SIPA1L3: variants seen among roughly 807,000 people sequenced by gnomAD.
SIPA1L3 encodes the protein signal induced proliferation associated 1 like 3, also known as signal-induced proliferation-associated 1-like protein 3.
SIPA1L3 carries 59 observed loss-of-function variants against 150.1 expected under a neutral mutation model. The ratio of observed to expected loss-of-function variants is 0.39; its 90% CI spans 0.32 to 0.49. The LOEUF is 0.49. Among genes scored for constraint, SIPA1L3 ranks in the 20% least tolerant of loss-of-function variants. The probability of loss-of-function intolerance (pLI) is 0.86; values close to 1 mark genes in which losing one functional copy is unlikely to be tolerated. For synonymous variants in SIPA1L3, 1,070 were observed against 1,077.6 expected (o/e 0.99, Z 0.14); for missense variants, 2,211 against 2,489.5 (o/e 0.89, Z 2.38).
At chr19:38,138,910 A>AAAAAAAAAAAAAAAAC (rs1343348254) in intron 10 of SIPA1L3, among the ~76,000 whole-genome samples, 1 of 112,786 alleles carries the variant, frequency 8.9e-6, no homozygotes, top group African/African-American at 3.8e-5. Flanking sequence ...AAAAAAAAAA[A>AAAAAAAAAAAAAAAAC]AAAAACTGAG....
chr19:38,151,608 T>A (rs1971823842), intron 12 of SIPA1L3, among the ~76,000 whole-genome samples: 1 of 152,112 alleles, frequency 6.6e-6, no homozygotes, highest in Non-Finnish European at 1.5e-5. Context: ...CACAACCGGC[T>A]GTGATCCAAG....
In SIPA1L3 at chr19:38,082,208, G is replaced by C; in HGVS notation, c.643G>C (p.Glu215Gln). ...TSSIDVQGMP[E>Q]QSFFDILNEF... The stretch of plus-strand genomic sequence containing the variant: ...GTCCATCGACGTGCAGGGCATGCCC[G>C]AGCAGAGCTTCTTCGACATCCTGAA... Residue 215 changes from glutamate (E) to glutamine (Q), a missense_variant, in exon 3 of 22, where the codon GAG becomes CAG. This residue lies in a region of SIPA1L3 where 587 missense variants were observed against 534.5 expected (regional missense o/e 1.10). Coordinates refer to ENST00000222345, the MANE Select transcript of SIPA1L3 (RefSeq NM_015073.3). 1 of 1,602,964 alleles carries C rather than the reference G, an allele frequency of 6.2e-7. No individual in the cohort carries two copies. The highest frequency in any genetic ancestry group is 1.1e-5 in the South Asian group (1 of 91,078).
chr19:37,914,374 A>ATT (rs3049664), intron 1 of SIPA1L3, among the ~76,000 whole-genome samples: 6,034 of 144,546 alleles, frequency 0.042, 453 homozygotes, highest in African/African-American at 0.14. Context: ...TACTACTTTA[A>ATT]TTTTTTTTTT....
intron 1 of SIPA1L3, among the ~76,000 whole-genome samples, chr19:37,941,087 T>TACACACACACACACACACACACACACAC (rs59368800): frequency 1.6e-5 from 2 of 128,568 alleles, no homozygotes; most frequent in African/African-American, 6.9e-5. Flanking sequence ...CACACACACA[T>TACACACACACACACACACACACACACAC]ACACACACAC....
At chr19:38,174,936 G>A (rs888357324) in intron 15 of SIPA1L3, among the ~76,000 whole-genome samples, 2 of 152,206 alleles carry the variant, frequency 1.3e-5, no homozygotes, top group Admixed American at 6.5e-5. Context: ...GGGCTCAAGT[G>A]TATCAGCTGC....
intron 15 of SIPA1L3, among the ~76,000 whole-genome samples, chr19:38,178,055 TAC>T (rs1972474736): frequency 6.6e-6 from 1 of 150,482 alleles, no homozygotes; most frequent in African/African-American, 2.4e-5. Context: ...ACCGTCCTCA[TAC>T]CTGCCTGTGT....
In SIPA1L3 at chr19:38,100,144, G is replaced by A. The variant is rs779442197; in HGVS notation, c.1848G>A (p.Glu616=). ...KVTEQLLKLD[E]QGLCRKHKVG... is the part of the protein sequence containing the mutation. ...CGGAGCAACTGCTGAAGCTCGATGA[G>A]CAAGGGGTGAGTCAGGGGCTGGAGG... Residue 616 remains glutamate (E), a synonymous_variant, in exon 5 of 22, where the codon GAG becomes GAA. Coordinates refer to ENST00000222345, the MANE Select transcript of SIPA1L3 (RefSeq NM_015073.3). The A allele has an allele frequency of 6.3e-7, 1 of 1,577,148 alleles. No individual in the cohort carries two copies. Among genetic ancestry groups the A allele is most frequent in the South Asian group, 1.2e-5 (1 of 86,044 alleles).
At chr19:38,062,511 G>A (rs1599979398) in intron 2 of SIPA1L3, among the ~76,000 whole-genome samples, 2 of 152,318 alleles carry the variant, frequency 1.3e-5, no homozygotes, top group East Asian at 3.9e-4. Context: ...CCTGAGTGGG[G>A]GCTGCCATTG....
intron 10 of SIPA1L3, among the ~76,000 whole-genome samples, chr19:38,133,675 G>A (rs1350001334): frequency 6.6e-6 from 1 of 152,144 alleles, no homozygotes; most frequent in Non-Finnish European, 1.5e-5. Context: ...AGCAGGAGAG[G>A]CAGGCTGTCT....
intron 18 of SIPA1L3, among the ~76,000 whole-genome samples, chr19:38,194,820 G>A (rs1972885426): frequency 6.6e-6 from 1 of 152,222 alleles, no homozygotes; most frequent in Admixed American, 6.5e-5. Context: ...GGAGGCCGAG[G>A]CGGGTGGATC....
chr19:38,195,428 C>T (rs1413021129), intron 18 of SIPA1L3, among the ~76,000 whole-genome samples: 1 of 152,154 alleles, frequency 6.6e-6, no homozygotes, highest in African/African-American at 2.4e-5. Context: ...GCCCTCGGTG[C>T]CAGGATGTGG....
At chr19:38,060,433 G>A (rs1969421774) in intron 2 of SIPA1L3, among the ~76,000 whole-genome samples, 1 of 152,232 alleles carries the variant, frequency 6.6e-6, no homozygotes, top group African/African-American at 2.4e-5. Context: ...GGTTTAGGCA[G>A]TGAGTTGGTT....
At chr19:37,973,423 C>CG (rs1183395853) in intron 1 of SIPA1L3, among the ~76,000 whole-genome samples, 1 of 149,252 alleles carries the variant, frequency 6.7e-6, no homozygotes, top group Non-Finnish European at 1.5e-5. Flanking sequence ...TTAGTAGAGA[C>CG]GGGGTTTCAC....
In SIPA1L3 at chr19:38,206,099, G is replaced by A; in HGVS notation, c.5205G>A (p.Glu1735=). The A allele has an allele frequency of 1.3e-6, 2 of 1,544,818 alleles. No individual in the cohort carries two copies. The highest frequency in any genetic ancestry group is 1.2e-5 in the South Asian group (1 of 83,568). ...LKQLHTDLQK[E]KQDKVVLQSE... is the part of the protein sequence containing the mutation. ...TGCCAGCTTCCCACCCTGTGCAGGA[G>A]AAGCAGGACAAGGTGGTGCTCCAGT... Residue 1735 remains glutamate, a splice_region_variant and synonymous_variant, in exon 22 of 22, where the codon GAG becomes GAA. Coordinates refer to ENST00000222345, the MANE Select transcript of SIPA1L3 (RefSeq NM_015073.3).
chr19:38,122,677 C>T (rs1208223337), intron 9 of SIPA1L3, among the ~76,000 whole-genome samples: 2 of 152,168 alleles, frequency 1.3e-5, no homozygotes, highest in Admixed American at 6.5e-5. Context: ...GGCTCCCTGT[C>T]GACTTCTCTG....
intron 1 of SIPA1L3, among the ~76,000 whole-genome samples, chr19:37,970,378 A>G (rs938958376): frequency 6.6e-6 from 1 of 152,230 alleles, no homozygotes; most frequent in Non-Finnish European, 1.5e-5. Context: ...ATTTTTAATT[A>G]GCCTCTTAGT....
chr19:37,914,024 C>CAAAAA (rs58768492), intron 1 of SIPA1L3, among the ~76,000 whole-genome samples: 2 of 110,808 alleles, frequency 1.8e-5, no homozygotes, highest in Non-Finnish European at 1.7e-5. Flanking sequence ...GAGGCCGTCT[C>CAAAAA]AAAAAAAAAA....
At chr19:38,099,121 C>T (rs543673104) in intron 4 of SIPA1L3, among the ~76,000 whole-genome samples, 4 of 152,204 alleles carry the variant, frequency 2.6e-5, no homozygotes, top group South Asian at 4.1e-4. Context: ...CTGCAACCTC[C>T]GCCTCCTGGG....
Position 38,198,539 on chromosome 19 carries a change from G to A in SIPA1L3, c.4984+7G>A, listed in dbSNP as rs762511899. The A allele has an allele frequency of 1.2e-5, 18 of 1,535,548 alleles. No homozygotes were observed. Among genetic ancestry groups the A allele is most frequent in the African/African-American group, 5.6e-5 (4 of 71,222 alleles). Reference sequence around the variant, plus strand: ...GCAGCCAAGGCATACGAAGGTAGGCGCCTTCCACCCAGTCCCGCCAGGCCC... The same window carrying A: ...GCAGCCAAGGCATACGAAGGTAGGCACCTTCCACCCAGTCCCGCCAGGCCC... On this transcript the variant is annotated splice_region_variant and intron_variant, in intron 19 of 21. Transcript: ENST00000222345.
Sources: allele counts gnomAD v4.1 joint callset (sites outside exome capture counted in the v4.1 genomes callset), GRCh38; gene constraint gnomAD v4.1.1; regional missense constraint gnomAD v4.1.1; transcripts MANE v1.5; gene names NCBI Gene and HGNC (gene_info 2026-07-23, HGNC 2026-07-21).